The following ATF6 variants were observed in gnomAD, a reference collection of about 807,000 sequenced individuals.
The protein encoded by ATF6 is cyclic AMP-dependent transcription factor ATF-6 alpha.
In ATF6, 53 loss-of-function variants were observed where a neutral mutation model predicts 83.6. The ratio of observed to expected loss-of-function variants is 0.63; its 90% CI spans 0.51 to 0.80. The LOEUF is 0.80. ATF6 is among the 30% of genes least tolerant of loss of function. The pLI is 0.00. For synonymous variants in ATF6, 288 were observed against 285.8 expected (o/e 1.01, Z -0.08); for missense variants, 744 against 797.9 (o/e 0.93, Z 0.81).
chr1:161,834,324 C>G (rs972948989), intron 9 of ATF6, among the ~76,000 whole-genome samples: 1 of 151,938 alleles, frequency 6.6e-6, no homozygotes, highest in Non-Finnish European at 1.5e-5. Flanking sequence ...GACACATGCA[C>G]ACGTATGTTT....
At chr1:161,803,672 T>C (rs1419451913) in intron 7 of ATF6, among the ~76,000 whole-genome samples, 1 of 152,072 alleles carries the variant, frequency 6.6e-6, no homozygotes, top group South Asian at 2.1e-4. Context: ...CATGGAAAAA[T>C]TTCTACAATA....
chr1:161,851,321 T>C (rs925305667), intron 10 of ATF6, among the ~76,000 whole-genome samples: 1 of 152,044 alleles, frequency 6.6e-6, no homozygotes, highest in Non-Finnish European at 1.5e-5. Flanking sequence ...ATCATAGAAT[T>C]GTGAATGACC....
At chr1:161,917,869 T>C (rs576923479) in intron 15 of ATF6, among the ~76,000 whole-genome samples, 29 of 152,318 alleles carry the variant, frequency 1.9e-4, no homozygotes, top group African/African-American at 6.3e-4. Flanking sequence ...TTTCAGATTT[T>C]TGGATTAGGG....
intron 7 of ATF6, among the ~76,000 whole-genome samples, chr1:161,813,665 G>T (rs1429863670): frequency 1.1e-4 from 17 of 152,096 alleles, no homozygotes; most frequent in Non-Finnish European, 5.9e-5. Context: ...TTATAATAAT[G>T]TCATAAGCAC....
intron 15 of ATF6, among the ~76,000 whole-genome samples, chr1:161,934,540 T>G (rs1352194522): frequency 6.6e-6 from 1 of 152,076 alleles, no homozygotes; most frequent in Non-Finnish European, 1.5e-5. Context: ...CTATGTAAAG[T>G]CTCATAATTC....
intron 14 of ATF6, among the ~76,000 whole-genome samples, chr1:161,873,305 A>G (rs1687153113): frequency 3.3e-5 from 5 of 151,622 alleles, no homozygotes; most frequent in African/African-American, 9.6e-5. Context: ...TGGTTTTATA[A>G]TTTTTTCTCA....
chr1:161,905,957 T>A (rs930661533), intron 14 of ATF6, among the ~76,000 whole-genome samples: 1 of 152,038 alleles, frequency 6.6e-6, no homozygotes, highest in Non-Finnish European at 1.5e-5. Flanking sequence ...CTCAGCCTCC[T>A]GAGTAGCTGG....
chr1:161,853,963 C>T (rs114079562), intron 12 of ATF6, among the ~76,000 whole-genome samples: 10 of 152,294 alleles, frequency 6.6e-5, no homozygotes, highest in African/African-American at 2.4e-4. Context: ...GATAAAGTCC[C>T]TACCTTAATG....
intron 6 of ATF6, among the ~76,000 whole-genome samples, chr1:161,798,835 CA>C (rs1685078160): frequency 6.6e-6 from 1 of 152,106 alleles, no homozygotes; most frequent in African/African-American, 2.4e-5. Flanking sequence ...GGCCAATAAG[CA>C]TATGAAAAAA....
intron 14 of ATF6, among the ~76,000 whole-genome samples, chr1:161,880,887 C>T (rs1439057191): frequency 1.3e-5 from 2 of 152,108 alleles, no homozygotes; most frequent in African/African-American, 2.4e-5. Context: ...GTTGCAGTGC[C>T]TCCATATCCT....
At chr1:161,911,974 A>C (rs1688000687) in intron 14 of ATF6, among the ~76,000 whole-genome samples, 1 of 152,226 alleles carries the variant, frequency 6.6e-6, no homozygotes, top group Non-Finnish European at 1.5e-5. Context: ...ATTTAGTGGC[A>C]GAATTAGAAT....
At chr1:161,798,044 A>G (rs895040278) in intron 6 of ATF6, among the ~76,000 whole-genome samples, 2 of 152,212 alleles carry the variant, frequency 1.3e-5, no homozygotes, top group Non-Finnish European at 2.9e-5. Flanking sequence ...GTCTTTAACA[A>G]AAACAAACAG....
intron 15 of ATF6, among the ~76,000 whole-genome samples, chr1:161,918,445 A>G (rs1688143458): frequency 6.6e-6 from 1 of 152,176 alleles, no homozygotes; most frequent in Admixed American, 6.5e-5. Flanking sequence ...AAGTTGTCCT[A>G]TAGGAAACTA....
intron 14 of ATF6, among the ~76,000 whole-genome samples, chr1:161,881,651 C>A (rs922580693): frequency 6.6e-6 from 1 of 152,080 alleles, no homozygotes; most frequent in African/African-American, 2.4e-5. Flanking sequence ...GGAAGCTTTG[C>A]GAGTTCTTTA....
At position 161,791,410 on chromosome 1, in the gene ATF6, G is replaced by A. The variant is rs758562848; in HGVS notation, c.357G>A (p.Glu119=). 3.1e-6 allele frequency: 5 copies of A among 1,605,776 alleles called. No individual in the cohort carries two copies. The African/African-American group carries it at 4.0e-5, about 13-fold the overall frequency. Residue 119 remains glutamate (E), a splice_region_variant and synonymous_variant, in exon 5 of 16, where the codon GAG becomes GAA. Coordinates refer to ENST00000367942, the MANE Select transcript of ATF6 (RefSeq NM_007348.4). Reference sequence around the variant, plus strand: ...TTTTTGTTTTTATTATGCTACAGGAGGAGTTGGATTTGTCTTCTAGTTCTC... The same window carrying A: ...TTTTTGTTTTTATTATGCTACAGGAAGAGTTGGATTTGTCTTCTAGTTCTC... ...DSYSSTQHVP[E]ELDLSSSSQM...
intron 14 of ATF6, among the ~76,000 whole-genome samples, chr1:161,897,727 T>G (rs1364344663): frequency 6.6e-6 from 1 of 152,210 alleles, no homozygotes; most frequent in Non-Finnish European, 1.5e-5. Flanking sequence ...ACACACTAGA[T>G]TTTGAAGACT....
chr1:161,957,972 G>A lies in ATF6; in HGVS notation c.1805-474G>A, dbSNP rs570437545. On this transcript the variant is annotated intron_variant, in intron 15 of 15. Coordinates refer to ENST00000367942, the MANE Select transcript of ATF6 (RefSeq NM_007348.4). The stretch of plus-strand genomic sequence containing the variant: ...TATTACTGATGAATAGGAGCTAAGC[G>A]TACTTGGCCAGGGTCTCCTTACCAT... Among the ~76,000 whole-genome samples the A allele has an allele frequency of 1.1e-4, 17 of 152,298 alleles. No homozygotes were observed. The South Asian group carries it at 1.2e-3, about 11-fold the overall frequency.
At chr1:161,940,795 C>T (rs1688626944) in intron 15 of ATF6, among the ~76,000 whole-genome samples, 1 of 152,132 alleles carries the variant, frequency 6.6e-6, no homozygotes, top group African/African-American at 2.4e-5. Flanking sequence ...ATCTCTTGAC[C>T]TTGTGATCCG....
chr1:161,887,621 C>T (rs546218783), intron 14 of ATF6, among the ~76,000 whole-genome samples: 1 of 152,124 alleles, frequency 6.6e-6, no homozygotes, highest in South Asian at 2.1e-4. Context: ...GGATTAAATC[C>T]CAATCCATAG....
Sources: gnomAD v4.1 joint callset for allele counts (sites outside exome capture counted in the v4.1 genomes callset) on GRCh38, gnomAD v4.1.1 for gene constraint, MANE v1.5 for transcripts, NCBI Gene and HGNC (gene_info 2026-07-23, HGNC 2026-07-21) for gene names.